The following MTHFD1 variants were observed in gnomAD, a reference collection of about 807,000 sequenced individuals.
MTHFD1 encodes the protein C-1-tetrahydrofolate synthase, cytoplasmic.
MTHFD1 carries 44 observed loss-of-function variants against 110.3 expected under a neutral mutation model. The observed-to-expected ratio is 0.40, with a 90% CI of 0.31 to 0.51. The LOEUF (loss-of-function observed/expected upper bound fraction) is 0.51, where lower values mean the gene tolerates loss of function less well. Ranked by LOEUF, MTHFD1 falls within the 20% of genes least tolerant of loss-of-function variation. The pLI is 0.60. For missense variants in MTHFD1, 909 were observed against 1,173.1 expected, an observed-to-expected ratio of 0.77 and a Z score of 3.29; for synonymous variants, 402 against 428.8, an observed-to-expected ratio of 0.94 and a Z score of 0.77.
intron 1 of MTHFD1, among the ~76,000 whole-genome samples, chr14:64,392,425 A>G (rs998734283): frequency 6.6e-5 from 10 of 152,200 alleles, no homozygotes; most frequent in African/African-American, 2.4e-4. Flanking sequence ...CTACATTTAT[A>G]TGATTTGTTT....
rs573936433 is a variant in MTHFD1 at position 64,390,834 on chromosome 14, A to C, written c.41+2366A>C. The stretch of plus-strand genomic sequence containing the variant: ...CGGCTAATTTTTGTATTTTTAGTAG[A>C]GACGGGCTTTCACCATGTTGGTCAG... On this transcript the variant is annotated intron_variant, in intron 1 of 27. Coordinates refer to ENST00000652337, the MANE Select transcript of MTHFD1 (RefSeq NM_005956.4). Among the ~76,000 whole-genome samples, 260 of 152,236 alleles carry C rather than the reference A, an allele frequency of 1.7e-3. 1 individual carries two copies. Among genetic ancestry groups the C allele is most frequent in the African/African-American group, 5.8e-3 (242 of 41,542 alleles).
intron 12 of MTHFD1, 147 bp from the exon 13 acceptor site, chr14:64,430,037 A>G: frequency 1.3e-6 from 1 of 765,018 alleles, no homozygotes; most frequent in South Asian, 1.5e-5. Context: ...GTATTAGAAA[A>G]CACTTGATCA....
intron 26 of MTHFD1, among the ~76,000 whole-genome samples, chr14:64,456,507 T>C (rs1257907628): frequency 6.6e-6 from 1 of 152,212 alleles, no homozygotes; most frequent in Non-Finnish European, 1.5e-5. Context: ...AAAATCCTCT[T>C]GGGGAATGAG....
At chr14:64,401,914 C>T (rs1324873512) in intron 2 of MTHFD1, among the ~76,000 whole-genome samples, 1 of 152,166 alleles carries the variant, frequency 6.6e-6, no homozygotes, top group Non-Finnish European at 1.5e-5. Flanking sequence ...GGAGTCCTAT[C>T]TGCCTCTGCA....
intron 16 of MTHFD1, among the ~76,000 whole-genome samples, chr14:64,438,803 T>C (rs893659647): frequency 1.3e-5 from 2 of 152,216 alleles, no homozygotes; most frequent in Non-Finnish European, 2.9e-5. Flanking sequence ...GTTTTTCTTA[T>C]ATGTGGAATA....
intron 26 of MTHFD1, among the ~76,000 whole-genome samples, chr14:64,455,426 T>C (rs1485074199): frequency 6.6e-6 from 1 of 152,210 alleles, no homozygotes; most frequent in Non-Finnish European, 1.5e-5. Flanking sequence ...GTCCATTGCT[T>C]TCTTATCTTA....
chr14:64,451,567 A>G (rs1203893145), intron 24 of MTHFD1, among the ~76,000 whole-genome samples: 1 of 152,252 alleles, frequency 6.6e-6, no homozygotes, highest in African/African-American at 2.4e-5. Context: ...ACAAATTTGC[A>G]CACAAATGCA....
At chr14:64,391,819 A>G (rs565602094) in intron 1 of MTHFD1, among the ~76,000 whole-genome samples, 1 of 152,218 alleles carries the variant, frequency 6.6e-6, no homozygotes, top group Non-Finnish European at 1.5e-5. Context: ...CACTTACTCA[A>G]CAAGTAGCTG....
At chr14:64,400,898 C>T in intron 2 of MTHFD1, 21 bp downstream of exon 2, 1 of 1,529,116 alleles carries the variant, frequency 6.5e-7, no homozygotes, top group Non-Finnish European at 9.1e-7. Flanking sequence ...AGTGTATTTT[C>T]ATTAATGTTG....
Position 64,388,399 on chromosome 14 carries a change from C to T in MTHFD1, c.-29C>T. ...AGTGGAACCTCGATATTGGTGGTGT[C>T]CATCGTGGGCAGCGGACTAATAAAG... On this transcript the variant is annotated 5_prime_UTR_variant, in exon 1 of 28. Coordinates refer to ENST00000652337, the MANE Select transcript of MTHFD1 (RefSeq NM_005956.4). 1 of 1,614,162 alleles carries T rather than the reference C, an allele frequency of 6.2e-7. No homozygotes were observed. The highest frequency in any genetic ancestry group is 8.5e-7 in the Non-Finnish European group (1 of 1,180,048).
At chr14:64,407,544 C>CTTT (rs1252450612) in intron 2 of MTHFD1, among the ~76,000 whole-genome samples, 6 of 65,042 alleles carry the variant, frequency 9.2e-5, no homozygotes, top group African/African-American at 1.4e-4. Flanking sequence ...CTCACTCTCT[C>CTTT]TCTTTTTTTT....
chr14:64,424,174 A>G (rs780660035), intron 8 of MTHFD1: 5 of 159,630 alleles, frequency 3.1e-5, no homozygotes, highest in Non-Finnish European at 6.9e-5. Flanking sequence ...AGCCAAGTGT[A>G]GGATGTTCTT....
At chr14:64,458,764 A>G (rs1185589205) in intron 27 of MTHFD1, 1 of 205,100 alleles carries the variant, frequency 4.9e-6, no homozygotes, top group Admixed American at 5.3e-5. Flanking sequence ...AACAGGACCA[A>G]TCTGGCAGTT....
chr14:64,407,732 G>A (rs1182998670), intron 2 of MTHFD1, among the ~76,000 whole-genome samples: 1 of 151,878 alleles, frequency 6.6e-6, no homozygotes, highest in African/African-American at 2.4e-5. Flanking sequence ...ATTTTTTGTA[G>A]AGATGGGGTT....
intron 23 of MTHFD1, 178 bp downstream of exon 23, chr14:64,448,495 C>T (rs769679456): frequency 4.1e-5 from 26 of 634,862 alleles, no homozygotes; most frequent in Non-Finnish European, 6.9e-5. Context: ...ACCTCACCCA[C>T]TGAGGGTCCC....
intron 17 of MTHFD1, among the ~76,000 whole-genome samples, chr14:64,439,894 CAAAAAA>C (rs760527922): frequency 1.1e-4 from 6 of 56,588 alleles, no homozygotes; most frequent in Non-Finnish European, 2.2e-4. Flanking sequence ...ACTCTGTCTC[CAAAAAA>C]AAAAAAAAAA....
chr14:64,399,436 G>A (rs2077879869), intron 1 of MTHFD1, among the ~76,000 whole-genome samples: 1 of 152,050 alleles, frequency 6.6e-6, no homozygotes, highest in South Asian at 2.1e-4. Flanking sequence ...TGAGATGGGT[G>A]GATCACGAAG....
intron 7 of MTHFD1, 91 bp from the exon 8 acceptor site, chr14:64,419,723 C>G: frequency 1.1e-6 from 1 of 870,570 alleles, no homozygotes; most frequent in South Asian, 1.4e-5. Flanking sequence ...GAATTTAATA[C>G]AAAGCTCAGG....
At chr14:64,421,228 G>A (rs761414301) in intron 8 of MTHFD1, among the ~76,000 whole-genome samples, 33 of 151,968 alleles carry the variant, frequency 2.2e-4, no homozygotes, top group Admixed American at 1.0e-3. Flanking sequence ...TCTCATGTAC[G>A]GCGTCCTGTG....
Sources: gnomAD v4.1 joint callset for allele counts (sites outside exome capture counted in the v4.1 genomes callset) on GRCh38, gnomAD v4.1.1 for gene constraint, MANE v1.5 for transcripts, NCBI Gene and HGNC (gene_info 2026-07-23, HGNC 2026-07-21) for gene names.